SLC25A53: variants seen among roughly 807,000 people sequenced by gnomAD.
The protein encoded by SLC25A53 is mitochondrial carrier triple repeat protein 6.
SLC25A53 carries 5 observed loss-of-function variants against 15.0 expected under a neutral mutation model. The observed-to-expected ratio is 0.33, with a 90% CI of 0.17 to 0.70. The LOEUF (loss-of-function observed/expected upper bound fraction) is 0.70. Among genes scored for constraint, SLC25A53 ranks in the 30% least tolerant of loss-of-function variants. SLC25A53 has a pLI of 0.67. For missense variants in SLC25A53, 216 were observed against 241.6 expected (o/e 0.89, Z 0.70); for synonymous variants, 95 against 100.0 (o/e 0.95, Z 0.30).
chrX:104,126,411 T>G (rs2075411029), intron 1 of SLC25A53, among the ~76,000 whole-genome samples: 2 of 111,590 alleles, frequency 1.8e-5, no homozygotes, highest in African/African-American at 3.3e-5. Flanking sequence ...CCCAGCACTT[T>G]GGGAGGCTAA....
At position 104,114,974 on chromosome X, in the gene SLC25A53, C is replaced by T. The variant is rs1556360826; in HGVS notation, c.-31-9686G>A. Reference sequence around the variant, plus strand: ...ATCCTGGTGGTGTCTCTGTACCCTTCACTGACACCTACAGGTGCCCCTCCC... The same window carrying T: ...ATCCTGGTGGTGTCTCTGTACCCTTTACTGACACCTACAGGTGCCCCTCCC... On this transcript the variant is annotated intron_variant, in intron 1 of 1. Coordinates refer to ENST00000594199, the MANE Select transcript of SLC25A53 (RefSeq NM_001012755.5). 2.8e-5 allele frequency: 33 copies of T among 1,194,216 alleles called. No homozygotes were observed. Among genetic ancestry groups the T allele is most frequent in the Admixed American group, 6.9e-5 (3 of 43,368 alleles).
At chrX:104,132,495 G>A (rs1288255590) in intron 1 of SLC25A53, among the ~76,000 whole-genome samples, 4 of 112,276 alleles carry the variant, frequency 3.6e-5, no homozygotes, top group Non-Finnish European at 7.5e-5. Flanking sequence ...TTAATACATT[G>A]CCAGCACATC....
intron 1 of SLC25A53, among the ~76,000 whole-genome samples, chrX:104,109,763 A>G (rs1417284801): frequency 8.9e-5 from 10 of 112,084 alleles, no homozygotes; most frequent in Non-Finnish European, 1.7e-4. Flanking sequence ...GCAAAATGGG[A>G]TACAATAGCT....
intron 1 of SLC25A53, among the ~76,000 whole-genome samples, chrX:104,121,073 G>T (rs2147871517): frequency 9.0e-6 from 1 of 111,621 alleles, no homozygotes; most frequent in South Asian, 3.7e-4. Flanking sequence ...CTAATATTTT[G>T]TTTAGGATTT....
At chrX:104,138,125 A>G (rs892488659) in intron 1 of SLC25A53, among the ~76,000 whole-genome samples, 1 of 111,854 alleles carries the variant, frequency 8.9e-6, no homozygotes, top group South Asian at 3.7e-4. Flanking sequence ...GTGGCTGCCC[A>G]CCAGCCAGCA....
intron 1 of SLC25A53, among the ~76,000 whole-genome samples, chrX:104,150,053 C>A (rs1350192534): frequency 9.2e-6 from 1 of 108,510 alleles, no homozygotes; most frequent in Non-Finnish European, 1.9e-5. Flanking sequence ...GCCAAGATGG[C>A]AAAACTCCAT....
chrX:104,126,351 G>T (rs1019891709), intron 1 of SLC25A53, among the ~76,000 whole-genome samples: 18 of 109,309 alleles, frequency 1.6e-4, no homozygotes, highest in Admixed American at 5.9e-4. Flanking sequence ...CAGTAAAAAA[G>T]ACATAAATAT....
intron 1 of SLC25A53, chrX:104,114,020 C>T (rs1456269560): frequency 1.7e-6 from 2 of 1,179,474 alleles, no homozygotes; most frequent in African/African-American, 3.5e-5. Flanking sequence ...CAGGCACAGC[C>T]CAGGAACGTT....
At chrX:104,107,069 A>G (rs1556356446) in intron 1 of SLC25A53, among the ~76,000 whole-genome samples, 2 of 100,376 alleles carry the variant, frequency 2.0e-5, no homozygotes, top group Non-Finnish European at 4.0e-5. Flanking sequence ...CATATCCCAC[A>G]GTCTCATTCA....
At chrX:104,125,413 G>A (rs1164455831) in intron 1 of SLC25A53, among the ~76,000 whole-genome samples, 1 of 111,497 alleles carries the variant, frequency 9.0e-6, no homozygotes, top group Non-Finnish European at 1.9e-5. Context: ...ATGCTCTTTG[G>A]ACCAGCTGCT....
intron 1 of SLC25A53, among the ~76,000 whole-genome samples, chrX:104,116,538 G>A (rs1049705937): frequency 9.0e-6 from 1 of 111,146 alleles, no homozygotes; most frequent in Non-Finnish European, 1.9e-5. Flanking sequence ...TGATGGCCAA[G>A]CTGGTGGGCT....
At chrX:104,152,476 C>T (rs782559261) in intron 1 of SLC25A53, among the ~76,000 whole-genome samples, 59 of 110,507 alleles carry the variant, frequency 5.3e-4, no homozygotes, top group South Asian at 1.2e-3. Flanking sequence ...TCGCTCTTGC[C>T]GCCCAGGCTG....
intron 1 of SLC25A53, among the ~76,000 whole-genome samples, chrX:104,117,451 A>T (rs1230851136): frequency 9.0e-6 from 1 of 110,829 alleles, no homozygotes; most frequent in Non-Finnish European, 1.9e-5. Context: ...GCTCATGGCC[A>T]GTAGACTGGG....
At chrX:104,137,527 G>A (rs782499778) in intron 1 of SLC25A53, among the ~76,000 whole-genome samples, 6 of 111,357 alleles carry the variant, frequency 5.4e-5, no homozygotes, top group African/African-American at 2.0e-4. Flanking sequence ...AGCTCACTGG[G>A]CCTAAATGTA....
In SLC25A53 at chrX:104,113,980, T is replaced by C. The variant is rs1556360127; in HGVS notation, c.-31-8692A>G. 3 of 1,061,528 alleles carry C rather than the reference T, an allele frequency of 2.8e-6. No individual in the cohort carries two copies. In the East Asian group the frequency reaches 9.8e-5, roughly 35 times the overall value. 87.5% of individuals were successfully genotyped at this position (1,061,528 alleles called of 1,213,427 possible). ...CCACTATCTTATTAACCTTTTTTAC[T>C]TTCCTTAGAATCCCTACTGAAATAT... On this transcript the variant is annotated intron_variant, in intron 1 of 1. Coordinates refer to ENST00000594199, the MANE Select transcript of SLC25A53 (RefSeq NM_001012755.5).
intron 1 of SLC25A53, among the ~76,000 whole-genome samples, chrX:104,135,833 TG>T (rs2075435285): frequency 8.9e-6 from 1 of 112,214 alleles, no homozygotes; most frequent in South Asian, 3.6e-4. Flanking sequence ...ATGCTTGAAA[TG>T]GCTGCTGCCT....
intron 1 of SLC25A53, among the ~76,000 whole-genome samples, chrX:104,145,544 C>G (rs1331199282): frequency 1.7e-4 from 19 of 111,439 alleles, no homozygotes; most frequent in African/African-American, 6.2e-4. Flanking sequence ...AAAAGATCAA[C>G]AGAATACATA....
chrX:104,144,086 A>AG (rs1255056236), intron 1 of SLC25A53, among the ~76,000 whole-genome samples: 1 of 111,851 alleles, frequency 8.9e-6, no homozygotes, highest in Non-Finnish European at 1.9e-5. Context: ...GCCTTACAAG[A>AG]GCTCCTGAAG....
intron 1 of SLC25A53, among the ~76,000 whole-genome samples, chrX:104,118,134 T>C (rs2075383466): frequency 8.9e-6 from 1 of 112,733 alleles, no homozygotes; most frequent in African/African-American, 3.2e-5. Flanking sequence ...CTTGGAGTGA[T>C]TACAGGGTTA....
Sources: gnomAD v4.1 joint callset for allele counts (sites outside exome capture counted in the v4.1 genomes callset) on GRCh38, gnomAD v4.1.1 for gene constraint, MANE v1.5 for transcripts, NCBI Gene and HGNC (gene_info 2026-07-23, HGNC 2026-07-21) for gene names.